The following ATP13A4 variants were observed in gnomAD, a reference collection of about 807,000 sequenced individuals.
The protein encoded by ATP13A4 is ATPase 13A4.
ATP13A4 carries 114 observed loss-of-function variants against 142.5 expected under a neutral mutation model. The ratio of observed to expected loss-of-function variants is 0.80; its 90% CI spans 0.69 to 0.93. The LOEUF is 0.93. ATP13A4 is among the 40% of genes least tolerant of loss of function. The pLI, the probability that ATP13A4 is intolerant of heterozygous loss-of-function variation, is 0.00. For synonymous variants in ATP13A4, 488 were observed against 514.8 expected, an observed-to-expected ratio of 0.95 and a Z score of 0.70; for missense variants, 1,392 against 1,454.0, an observed-to-expected ratio of 0.96 and a Z score of 0.69.
At chr3:193,420,965 G>A (rs910385003) in intron 25 of ATP13A4, among the ~76,000 whole-genome samples, 1 of 149,680 alleles carries the variant, frequency 6.7e-6, no homozygotes, top group Non-Finnish European at 1.5e-5. Context: ...TTGCCAGATG[G>A]AGAAGAGACA....
chr3:193,403,682 G>C, intron 29 of ATP13A4: 1 of 853,282 alleles, frequency 1.2e-6, no homozygotes, highest in Non-Finnish European at 1.4e-6. Context: ...TCATGAGTTA[G>C]AGTGAGCCTT....
At chr3:193,410,554 A>AT (rs976110549) in intron 28 of ATP13A4, among the ~76,000 whole-genome samples, 3 of 151,856 alleles carry the variant, frequency 2.0e-5, no homozygotes, top group African/African-American at 7.3e-5. Context: ...CTCTACAAAA[A>AT]TTTTTTTTTA....
intron 28 of ATP13A4, among the ~76,000 whole-genome samples, chr3:193,410,071 T>TAA (rs1714689824): frequency 6.6e-6 from 1 of 152,228 alleles, no homozygotes; most frequent in African/African-American, 2.4e-5. Flanking sequence ...TAAATTGTAA[T>TAA]AAAAGTAGGA....
At chr3:193,491,522 C>G in intron 5 of ATP13A4, 124 bp from the exon 6 acceptor site, 3 of 761,006 alleles carry the variant, frequency 3.9e-6, no homozygotes, top group Non-Finnish European at 6.9e-6. Flanking sequence ...ATAAGTCTCC[C>G]TTGTTAAATA....
intron 1 of ATP13A4, among the ~76,000 whole-genome samples, chr3:193,550,502 C>T (rs555052962): frequency 6.6e-6 from 1 of 152,112 alleles, no homozygotes; most frequent in African/African-American, 2.4e-5. Flanking sequence ...GACAGGGTTT[C>T]ACTATGTTGC....
At chr3:193,575,196 T>A (rs1407728174) in intron 2 of ATP13A4, among the ~76,000 whole-genome samples, 1 of 152,204 alleles carries the variant, frequency 6.6e-6, no homozygotes, top group African/African-American at 2.4e-5. Context: ...CAGCAATAGA[T>A]AATTGGAAGT....
intron 2 of ATP13A4, among the ~76,000 whole-genome samples, chr3:193,573,282 TATATATACAC>T: frequency 3.1e-5 from 3 of 96,824 alleles, no homozygotes; most frequent in African/African-American, 1.5e-4. Context: ...TATACATATA[TATATATACAC>T]ATATATATAT....
chr3:193,450,677 G>C (rs921868541), intron 17 of ATP13A4, among the ~76,000 whole-genome samples: 2 of 152,172 alleles, frequency 1.3e-5, no homozygotes, highest in African/African-American at 4.8e-5. Context: ...TAACTACTTA[G>C]CATACCCTTA....
intron 19 of ATP13A4, 125 bp from the exon 20 acceptor site, chr3:193,441,713 T>G: frequency 8.6e-7 from 1 of 1,159,332 alleles, no homozygotes; most frequent in Non-Finnish European, 1.3e-6. Context: ...CTCTGATTCC[T>G]CAGAGAAGCA....
chr3:193,574,779 G>A (rs893830674), intron 2 of ATP13A4, among the ~76,000 whole-genome samples: 2 of 152,166 alleles, frequency 1.3e-5, no homozygotes, highest in African/African-American at 4.8e-5. Flanking sequence ...GGGACAAAAC[G>A]TGTGTGTTGA....
At chr3:193,507,631 T>C (rs911921645) in intron 2 of ATP13A4, among the ~76,000 whole-genome samples, 15 of 152,162 alleles carry the variant, frequency 9.9e-5, no homozygotes, top group Non-Finnish European at 2.1e-4. Context: ...TCAGCATACA[T>C]TTTTTTGGAG....
intron 25 of ATP13A4, among the ~76,000 whole-genome samples, chr3:193,417,537 T>C (rs1184695054): frequency 6.6e-6 from 1 of 152,244 alleles, no homozygotes; most frequent in Non-Finnish European, 1.5e-5. Context: ...GTCATCTCCA[T>C]AATTACATTT....
chr3:193,482,930 C>T (rs78517324), intron 8 of ATP13A4, among the ~76,000 whole-genome samples: 89 of 152,286 alleles, frequency 5.8e-4, no homozygotes, highest in African/African-American at 1.9e-3. Context: ...TGTCTATACA[C>T]GGCTTGTATC....
intron 26 of ATP13A4, among the ~76,000 whole-genome samples, chr3:193,413,549 T>C (rs1267851104): frequency 6.6e-6 from 1 of 152,174 alleles, no homozygotes; most frequent in Non-Finnish European, 1.5e-5. Flanking sequence ...TGAATTCTTT[T>C]CCTAGCAAGG....
chr3:193,438,651 A>T (rs186264827), intron 22 of ATP13A4, 67 bp from the exon 23 acceptor site: 1 of 1,374,574 alleles, frequency 7.3e-7, no homozygotes, highest in South Asian at 1.2e-5. Context: ...GCCTCATAAG[A>T]AAAGGCCAGT....
chr3:193,464,423 G>T (rs1223521047), intron 12 of ATP13A4, among the ~76,000 whole-genome samples: 2 of 152,106 alleles, frequency 1.3e-5, no homozygotes, highest in Admixed American at 1.3e-4. Flanking sequence ...GGGAATAACT[G>T]GCAAATAATC....
rs140718326 is a variant in ATP13A4 at position 193,399,479 on chromosome 3, G to A, written c.*3173C>T. ...TTGAGTCTATATGTCCACACAATCG[G>A]ATCTGACAAGGCTGGGAGCCCTCCC... On this transcript the variant is annotated 3_prime_UTR_variant, in exon 30 of 30. Transcript: ENST00000342695. 6.6e-6 allele frequency among the ~76,000 whole-genome samples: 1 copy of A among 152,178 alleles called. No homozygotes were observed. Among genetic ancestry groups the A allele is most frequent in the Non-Finnish European group, 1.5e-5 (1 of 67,998 alleles).
chr3:193,571,278 CAA>C (rs57432082), intron 2 of ATP13A4, among the ~76,000 whole-genome samples: 13 of 95,632 alleles, frequency 1.4e-4, no homozygotes, highest in Non-Finnish European at 1.2e-4. Flanking sequence ...GACCTTGTCT[CAA>C]AAAAAAAAAA....
intron 25 of ATP13A4, among the ~76,000 whole-genome samples, chr3:193,420,566 C>A (rs1480537930): frequency 1.3e-5 from 2 of 149,476 alleles, no homozygotes; most frequent in African/African-American, 4.9e-5. Flanking sequence ...TTATAATGAT[C>A]TTAAGGAAAC....
Sources: allele counts gnomAD v4.1 joint callset (sites outside exome capture counted in the v4.1 genomes callset), GRCh38; gene constraint gnomAD v4.1.1; transcripts MANE v1.5; gene names NCBI Gene and HGNC (gene_info 2026-07-23, HGNC 2026-07-21).